The following SEC13 variants were observed in gnomAD, a reference collection of about 807,000 sequenced individuals.
The protein encoded by SEC13 is protein SEC13 homolog.
Under a neutral mutation model 49.2 loss-of-function variants are expected in SEC13, and 25 were observed. The observed-to-expected ratio is 0.51, with a 90% CI of 0.37 to 0.71. The LOEUF (loss-of-function observed/expected upper bound fraction) is 0.71. Among genes scored for constraint, SEC13 ranks in the 30% least tolerant of loss-of-function variants. The probability of loss-of-function intolerance (pLI) is 0.00; values close to 1 mark genes in which losing one functional copy is unlikely to be tolerated. For synonymous variants in SEC13, 148 were observed against 163.9 expected (o/e 0.90, Z 0.74); for missense variants, 383 against 417.6 (o/e 0.92, Z 0.72).
chr3:10,317,807 A>G (rs1242647930), intron 2 of SEC13, among the ~76,000 whole-genome samples: 2 of 152,198 alleles, frequency 1.3e-5, no homozygotes, highest in Non-Finnish European at 2.9e-5. Flanking sequence ...GCCTAGAACT[A>G]CAAATTATTC....
intron 3 of SEC13, 69 bp from the exon 4 acceptor site, chr3:10,312,799 A>G: frequency 1.3e-6 from 2 of 1,499,228 alleles, no homozygotes; most frequent in Non-Finnish European, 1.8e-6. Context: ...ACAGAACTAA[A>G]TGGCTCCCTG....
Position 10,315,232 on chromosome 3 carries a change from G to T in SEC13, c.164+89C>A, listed in dbSNP as rs976673505. On this transcript the variant is annotated intron_variant, in intron 3 of 8. Coordinates refer to ENST00000350697, the MANE Select transcript of SEC13 (RefSeq NM_183352.3). ...TGTGCTTTGGGGTTGCTCTGAATCT[G>T]GGCTCCCATGCTTTGCTCCCACGCT... is the stretch of plus-strand genomic sequence containing the variant. 7.5e-6 allele frequency: 7 copies of T among 933,902 alleles called. No individual in the cohort carries two copies. In the African/African-American group the frequency reaches 9.8e-5, roughly 13 times the overall value. The allele number at this position is 933,902 out of a possible 1,614,324, so 57.9% of individuals were successfully genotyped here.
chr3:10,301,058 A>ATGAG lies in SEC13; in HGVS notation c.*199_*202dup, dbSNP rs1260979899. The ATGAG allele has an allele frequency of 4.4e-6, 7 of 1,607,628 alleles. No individual in the cohort carries two copies. The highest frequency in any genetic ancestry group is 4.2e-6 in the Non-Finnish European group (5 of 1,177,226). On this transcript the variant is annotated 3_prime_UTR_variant, in exon 9 of 9. Transcript: ENST00000350697. Reference sequence around the variant, plus strand: ...TCACTTGTAGTTTCTTCCTCGTAACATGAGTGCTTTCAGCTGGACAGTAGA... The same window carrying ATGAG: ...TCACTTGTAGTTTCTTCCTCGTAACATGAGTGAGTGCTTTCAGCTGGACAGTAGA...
chr3:10,313,623 C>T lies in SEC13; in HGVS notation c.165-893G>A. 1.4e-5 allele frequency: 3 copies of T among 220,242 alleles called. No individual in the cohort carries two copies. In the South Asian group the frequency reaches 1.9e-4, roughly 14 times the overall value. 13.6% of individuals were successfully genotyped at this position (220,242 alleles called of 1,614,324 possible). A position where few individuals can be genotyped will look rare whatever the true frequency, so the allele number is the denominator to read the frequency against. On this transcript the variant is annotated intron_variant, in intron 3 of 8. Transcript: ENST00000350697. The stretch of plus-strand genomic sequence containing the variant: ...GCTGGGACAACAGGACATTCCCAGT[C>T]CCTACAAAGCTGCTGCTAATGAAAC...
In SEC13 at chr3:10,321,086, T is replaced by A; in HGVS notation, c.-34A>T. On this transcript the variant is annotated 5_prime_UTR_variant, in exon 1 of 9. Coordinates refer to ENST00000350697, the MANE Select transcript of SEC13 (RefSeq NM_183352.3). This position sits in a 1 kb window ranked among gnomAD's most constrained non-coding sequence, Gnocchi z 4.1. ...CGGTGGCTGCTCCAGGTCTCGGACG[T>A]GGCAGCTCCCGGCGGCGCCTCGGAA... The A allele has an allele frequency of 6.2e-7, 1 of 1,612,514 alleles. No individual in the cohort carries two copies. Among genetic ancestry groups the A allele is most frequent in the East Asian group, 2.2e-5 (1 of 44,738 alleles).
intron 3 of SEC13, chr3:10,313,753 G>C (rs959369126): frequency 5.5e-6 from 1 of 181,206 alleles, no homozygotes; most frequent in Non-Finnish European, 1.2e-5. Flanking sequence ...TCCTTTGAAT[G>C]TAAGAAAAAC....
intron 2 of SEC13, among the ~76,000 whole-genome samples, chr3:10,316,730 G>A (rs1701630039): frequency 6.6e-6 from 1 of 152,172 alleles, no homozygotes; most frequent in African/African-American, 2.4e-5. Flanking sequence ...GATATTGAAT[G>A]AAAACTCACG....
chr3:10,302,303 A>AAAAT (rs1299622730), intron 8 of SEC13, among the ~76,000 whole-genome samples: 1 of 152,218 alleles, frequency 6.6e-6, no homozygotes, highest in Non-Finnish European at 1.5e-5. Flanking sequence ...ATTAAAAATG[A>AAAAT]AAATAACGAT....
chr3:10,310,389 G>A (rs1574877416), intron 5 of SEC13, among the ~76,000 whole-genome samples: 1 of 152,090 alleles, frequency 6.6e-6, no homozygotes, highest in East Asian at 1.9e-4. Flanking sequence ...TGCTCAAGAG[G>A]CTGAGGCATG....
chr3:10,311,709 C>T (rs1701267951), intron 5 of SEC13: 3 of 1,357,014 alleles, frequency 2.2e-6, no homozygotes, highest in South Asian at 1.6e-5. Flanking sequence ...GCTAAGGTGG[C>T]AGTGAGCAGG....
chr3:10,315,955 T>A (rs1370548835), intron 2 of SEC13, among the ~76,000 whole-genome samples: 2 of 152,222 alleles, frequency 1.3e-5, no homozygotes, highest in Admixed American at 1.3e-4. Context: ...ATTCAGATAT[T>A]TGGGCTCTTT....
At chr3:10,315,908 C>A (rs1037049332) in intron 2 of SEC13, among the ~76,000 whole-genome samples, 10 of 152,366 alleles carry the variant, frequency 6.6e-5, no homozygotes, top group African/African-American at 2.4e-4. Flanking sequence ...CCAGTCAGGT[C>A]TTCTGTGATG....
chr3:10,305,944 T>C, intron 5 of SEC13: 1 of 378,902 alleles, frequency 2.6e-6, no homozygotes, highest in East Asian at 3.8e-5. Context: ...GGACATTTTC[T>C]AAACACATGA....
intron 5 of SEC13, among the ~76,000 whole-genome samples, chr3:10,308,995 T>C (rs954730094): frequency 7.0e-6 from 1 of 143,128 alleles, no homozygotes; most frequent in African/African-American, 2.6e-5. Context: ...TGGATTATAA[T>C]GGCGTGATCT....
chr3:10,305,019 G>A lies in SEC13; in HGVS notation c.708+14C>T. The A allele has an allele frequency of 6.2e-7, 1 of 1,614,020 alleles. No homozygotes were observed. The highest frequency in any genetic ancestry group is 1.1e-5 in the South Asian group (1 of 91,082). Reference sequence around the variant, plus strand: ...AGACTAAATGACAAGGGATACTCATGGCCCTGGGCTGACCTGGGAGCAGCT... The same window carrying A: ...AGACTAAATGACAAGGGATACTCATAGCCCTGGGCTGACCTGGGAGCAGCT... On this transcript the variant is annotated intron_variant, in intron 7 of 8. Transcript: ENST00000350697.
intron 5 of SEC13, 141 bp from the exon 6 acceptor site, chr3:10,305,833 C>A: frequency 1.2e-6 from 1 of 805,078 alleles, no homozygotes. Flanking sequence ...TCATGGGGTC[C>A]ACTGCTCAGA....
chr3:10,318,250 G>C (rs1701728154), intron 1 of SEC13, among the ~76,000 whole-genome samples, 156 bp from the exon 2 acceptor site: 1 of 152,046 alleles, frequency 6.6e-6, no homozygotes, highest in African/African-American at 2.4e-5. Flanking sequence ...CACTGTGCTA[G>C]GAACTGGATA....
At chr3:10,318,875 A>C (rs2059711254) in intron 1 of SEC13, among the ~76,000 whole-genome samples, 1 of 152,212 alleles carries the variant, frequency 6.6e-6, no homozygotes, top group Admixed American at 6.5e-5. Flanking sequence ...AGGAACACAT[A>C]CAACACTTTA....
In SEC13 at chr3:10,315,430, C is replaced by T. The variant is rs1248337208; in HGVS notation, c.55G>A (p.Ala19Thr). 23 of 1,352,116 alleles carry T rather than the reference C, an allele frequency of 1.7e-5. No individual in the cohort carries two copies. Among genetic ancestry groups the T allele is most frequent in the Middle Eastern group, 2.1e-4 (1 of 4,730 alleles). The allele number at this position is 1,352,116 out of a possible 1,614,324, so 83.8% of individuals were successfully genotyped here. Residue 19 changes from alanine (A) to threonine (T), a missense_variant, in exon 3 of 9, where the codon GCC (alanine) becomes ACC (threonine). Ala to Thr is a moderately conservative substitution (Grantham distance 58). Coordinates refer to ENST00000350697, the MANE Select transcript of SEC13 (RefSeq NM_183352.3). The part of the protein sequence containing the change: ...DTSHEDMIHD[A>T]QMDYYGTRLA... ...CGGGTGCCATAGTAGTCCATCTGGG[C>T]GTCGTGCTGCAAAGGGAGGACAGCT...
Sources: allele counts gnomAD v4.1 joint callset (sites outside exome capture counted in the v4.1 genomes callset), GRCh38; gene constraint gnomAD v4.1.1; non-coding constraint Gnocchi (gnomAD v3.1); transcripts MANE v1.5; gene names NCBI Gene and HGNC (gene_info 2026-07-23, HGNC 2026-07-21).